Variants in PKNOX1 observed in about 807,000 individuals in gnomAD.
PKNOX1 encodes the protein homeobox protein PKNOX1.
Under a neutral mutation model 51.9 loss-of-function variants are expected in PKNOX1, and 15 were observed. That is an observed-to-expected ratio of 0.29 (90% CI 0.19 to 0.45). The LOEUF (loss-of-function observed/expected upper bound fraction) is 0.45, where lower values mean the gene tolerates loss of function less well. Among genes scored for constraint, PKNOX1 ranks in the 20% least tolerant of loss-of-function variants. PKNOX1 has a pLI of 1.00. For missense variants in PKNOX1, 462 were observed against 547.5 expected, an observed-to-expected ratio of 0.84 and a Z score of 1.56; for synonymous variants, 219 against 211.1, an observed-to-expected ratio of 1.04 and a Z score of -0.32.
intron 1 of PKNOX1, among the ~76,000 whole-genome samples, chr21:42,997,269 C>G (rs144587775): frequency 6.6e-6 from 1 of 152,318 alleles, no homozygotes; most frequent in African/African-American, 2.4e-5. Context: ...CAACACTTCT[C>G]CACAGGACTA....
At chr21:43,023,804 TA>T (rs1979870495) in intron 8 of PKNOX1, among the ~76,000 whole-genome samples, 1 of 151,962 alleles carries the variant, frequency 6.6e-6, no homozygotes, top group Non-Finnish European at 1.5e-5. Context: ...TTAGTAGAGA[TA>T]AGGTTTCACC....
At chr21:43,003,683 C>T (rs1978863557) in intron 1 of PKNOX1, among the ~76,000 whole-genome samples, 1 of 152,186 alleles carries the variant, frequency 6.6e-6, no homozygotes, top group Non-Finnish European at 1.5e-5. Flanking sequence ...TGGTTTGTGT[C>T]AGGAAGGCAG....
At chr21:42,982,226 C>A (rs1230988715) in intron 1 of PKNOX1, among the ~76,000 whole-genome samples, 1 of 152,166 alleles carries the variant, frequency 6.6e-6, no homozygotes, top group Non-Finnish European at 1.5e-5. Context: ...GCTTCTGACA[C>A]CTGCACAAGG....
intron 1 of PKNOX1, among the ~76,000 whole-genome samples, chr21:42,985,791 G>A (rs1376731942): frequency 6.6e-6 from 1 of 150,762 alleles, no homozygotes; most frequent in Non-Finnish European, 1.5e-5. Context: ...TTGAGACCAG[G>A]AGTTTGAGAC....
At chr21:43,025,158 A>G (rs1979936471) in intron 9 of PKNOX1, among the ~76,000 whole-genome samples, 1 of 152,178 alleles carries the variant, frequency 6.6e-6, no homozygotes, top group Non-Finnish European at 1.5e-5. Flanking sequence ...AAGTATTGGG[A>G]TCATGGGTGT....
intron 3 of PKNOX1, among the ~76,000 whole-genome samples, chr21:43,009,570 C>T (rs548714481): frequency 1.5e-4 from 21 of 141,574 alleles, no homozygotes; most frequent in South Asian, 4.5e-4. Context: ...GAGATCGTGC[C>T]GCTGCACTCC....
intron 1 of PKNOX1, among the ~76,000 whole-genome samples, chr21:42,979,985 G>A (rs989223528): frequency 2.6e-5 from 4 of 152,186 alleles, no homozygotes; most frequent in Admixed American, 2.6e-4. Context: ...GTGCCAGCAG[G>A]TTCTGTGGTA....
intron 1 of PKNOX1, among the ~76,000 whole-genome samples, chr21:42,975,846 C>G (rs867554491): frequency 6.6e-6 from 1 of 152,254 alleles, no homozygotes; most frequent in Non-Finnish European, 1.5e-5. Context: ...GGTTCCTCTT[C>G]AGGATGAAAG....
chr21:43,004,527 G>A, intron 2 of PKNOX1, 95 bp downstream of exon 2: 1 of 842,208 alleles, frequency 1.2e-6, no homozygotes, highest in Admixed American at 1.7e-5. Context: ...ATTGCCATGA[G>A]GTTGCATGCT....
intron 1 of PKNOX1, among the ~76,000 whole-genome samples, chr21:42,992,973 C>T (rs567051194): frequency 1.4e-5 from 2 of 145,860 alleles, no homozygotes; most frequent in South Asian, 4.5e-4. Context: ...ATAGCAGTGT[C>T]AGGGGGGCGT....
intron 1 of PKNOX1, among the ~76,000 whole-genome samples, chr21:42,998,543 G>A (rs911987049): frequency 8.5e-5 from 13 of 152,146 alleles, no homozygotes; most frequent in African/African-American, 3.1e-4. Context: ...TCCCTTCCAT[G>A]TATGAGCCTG....
At chr21:43,009,524 C>A (rs988729060) in intron 3 of PKNOX1, among the ~76,000 whole-genome samples, 1 of 145,458 alleles carries the variant, frequency 6.9e-6, no homozygotes. Context: ...GTAGGAGAAT[C>A]GCTTAAACCT....
intron 5 of PKNOX1, 149 bp from the exon 6 acceptor site, chr21:43,016,759 A>T (rs1166144702): frequency 5.3e-6 from 3 of 563,992 alleles, no homozygotes; most frequent in Non-Finnish European, 9.5e-6. Flanking sequence ...TGCTGCGTGC[A>T]TTCTGAAGCC....
At chr21:43,027,832 C>G (rs1382659404) in intron 9 of PKNOX1, among the ~76,000 whole-genome samples, 2 of 152,156 alleles carry the variant, frequency 1.3e-5, no homozygotes, top group African/African-American at 4.8e-5. Context: ...AGCAGAATCG[C>G]TTAAACCCAG....
rs1347978895 is a variant in PKNOX1 at position 42,999,430 on chromosome 21, T to G, written c.-56-4896T>G. ...TTAACATTAGGCTCCTCATTACTTATGCAAATTTATGCAGCCAGCTTGAAT... is the reference window on the plus strand; with the variant it reads ...TTAACATTAGGCTCCTCATTACTTAGGCAAATTTATGCAGCCAGCTTGAAT... On this transcript the variant is annotated intron_variant, in intron 1 of 10. Coordinates refer to ENST00000291547, the MANE Select transcript of PKNOX1 (RefSeq NM_004571.5). Among the ~76,000 whole-genome samples, 3 of 152,206 alleles carry G rather than the reference T, an allele frequency of 2.0e-5. No homozygotes were observed. The South Asian group carries it at 6.2e-4, about 32-fold the overall frequency.
At chr21:43,010,026 G>A (rs1488685594) in intron 3 of PKNOX1, 27 bp from the exon 4 acceptor site, 1 of 1,473,376 alleles carries the variant, frequency 6.8e-7, no homozygotes, top group Non-Finnish European at 9.2e-7. Flanking sequence ...GAACGTAAAT[G>A]GATTCTTTTT....
At chr21:42,975,914 AG>A in intron 1 of PKNOX1, among the ~76,000 whole-genome samples, 1 of 152,370 alleles carries the variant, frequency 6.6e-6, no homozygotes, top group East Asian at 1.9e-4. Context: ...ACTGAAAAAT[AG>A]GCTTTCTCTA....
In PKNOX1 at chr21:43,028,405, G is replaced by A. The variant is rs532074490; in HGVS notation, c.927-297G>A. Among the ~76,000 whole-genome samples the A allele has an allele frequency of 3.3e-5, 5 of 151,446 alleles. No individual in the cohort carries two copies. The East Asian group carries it at 7.8e-4, about 24-fold the overall frequency. ...CAAATTCAACAGTATCATCTATGTC[G>A]TTATGAGTATCTAGTTCACAAACAT... On this transcript the variant is annotated intron_variant, in intron 9 of 10. Transcript: ENST00000291547.
At chr21:42,999,515 C>G (rs538359549) in intron 1 of PKNOX1, among the ~76,000 whole-genome samples, 2 of 152,060 alleles carry the variant, frequency 1.3e-5, no homozygotes, top group South Asian at 4.2e-4. Context: ...GAGTCTCACT[C>G]TGTCACCCAG....
Sources: allele counts gnomAD v4.1 joint callset (sites outside exome capture counted in the v4.1 genomes callset), GRCh38; gene constraint gnomAD v4.1.1; transcripts MANE v1.5; gene names NCBI Gene and HGNC (gene_info 2026-07-23, HGNC 2026-07-21).